CDC42BPA: variants seen among roughly 807,000 people sequenced by gnomAD.
CDC42BPA encodes CDC42 binding protein kinase alpha.
A neutral mutation model predicts 223.5 loss-of-function variants in CDC42BPA; 80 were observed. That is an observed-to-expected ratio of 0.36 (90% CI 0.30 to 0.43). CDC42BPA has a LOEUF of 0.43. Among genes scored for constraint, CDC42BPA ranks in the 20% least tolerant of loss-of-function variants. The probability of loss-of-function intolerance (pLI) is 1.00; values close to 1 mark genes in which losing one functional copy is unlikely to be tolerated. For synonymous variants in CDC42BPA, 694 were observed against 718.6 expected, an observed-to-expected ratio of 0.97 and a Z score of 0.55; for missense variants, 1,743 against 2,099.9, an observed-to-expected ratio of 0.83 and a Z score of 3.32.
intron 1 of CDC42BPA, among the ~76,000 whole-genome samples, chr1:227,297,967 T>TATATATATATATACAC (rs369403944): frequency 1.5e-5 from 2 of 132,082 alleles, no homozygotes; most frequent in African/African-American, 2.9e-5. Context: ...TATATACATA[T>TATATATATATATACAC]ACACACACAC....
intron 20 of CDC42BPA, among the ~76,000 whole-genome samples, chr1:227,070,676 G>A (rs188934888): frequency 6.6e-6 from 1 of 151,920 alleles, no homozygotes; most frequent in Non-Finnish European, 1.5e-5. Flanking sequence ...GAGACTTGGG[G>A]AAATAATAGT....
intron 18 of CDC42BPA, 119 bp downstream of exon 18, chr1:227,074,140 A>C (rs1484165619): frequency 7.5e-7 from 1 of 1,339,544 alleles, no homozygotes; most frequent in Non-Finnish European, 1.0e-6. Context: ...CTCATAAAAA[A>C]CTCTTTAGTA....
intron 21 of CDC42BPA, chr1:227,069,227 T>C (rs1397660953): frequency 6.6e-6 from 1 of 152,154 alleles, no homozygotes; most frequent in Non-Finnish European, 1.5e-5. Context: ...TAACAGTAAG[T>C]TGATTTTTTT....
chr1:227,118,594 G>A (rs967715996), intron 12 of CDC42BPA, among the ~76,000 whole-genome samples: 2 of 151,982 alleles, frequency 1.3e-5, no homozygotes, highest in African/African-American at 4.8e-5. Context: ...TATAAATCTA[G>A]CTATCTGATT....
chr1:227,150,626 C>T (rs1361182490), intron 6 of CDC42BPA, among the ~76,000 whole-genome samples: 2 of 151,824 alleles, frequency 1.3e-5, no homozygotes. Flanking sequence ...GAATGTGATA[C>T]TAGAAGCAAT....
At chr1:227,284,174 T>C (rs999579100) in intron 1 of CDC42BPA, among the ~76,000 whole-genome samples, 1 of 152,210 alleles carries the variant, frequency 6.6e-6, no homozygotes, top group Non-Finnish European at 1.5e-5. Flanking sequence ...GTCATGATGG[T>C]ATGGTTTGAT....
rs549386737 is a variant in CDC42BPA, at chr1:227,276,884, G to A, written c.179-22729C>T. ...ACAGATGCTTGAAGGCAGCATGCTC[G>A]TTAAGAGTCATCACCACTCCCTAAT... On this transcript the variant is annotated intron_variant, in intron 1 of 36. Transcript: ENST00000366766. Among the ~76,000 whole-genome samples, 12 of 152,070 alleles carry A rather than the reference G, an allele frequency of 7.9e-5. No individual in the cohort carries two copies. The East Asian group carries it at 9.8e-4, about 12-fold the overall frequency.
chr1:227,259,873 C>G (rs1351745426), intron 1 of CDC42BPA, among the ~76,000 whole-genome samples: 1 of 150,762 alleles, frequency 6.6e-6, no homozygotes, highest in Non-Finnish European at 1.5e-5. Context: ...TCTTAATGTA[C>G]TCTAGTTTTA....
intron 2 of CDC42BPA, among the ~76,000 whole-genome samples, chr1:227,223,624 G>A (rs186488806): frequency 1.3e-5 from 2 of 152,234 alleles, no homozygotes; most frequent in East Asian, 3.9e-4. Context: ...GAGAAATCTA[G>A]CACCTCCCTT....
chr1:227,020,935 G>A (rs1667250454), intron 32 of CDC42BPA, among the ~76,000 whole-genome samples: 1 of 152,066 alleles, frequency 6.6e-6, no homozygotes, highest in Admixed American at 6.6e-5. Flanking sequence ...CTATTAATTG[G>A]GCTATTTCAC....
At chr1:227,311,319 T>G (rs1156827450) in intron 1 of CDC42BPA, among the ~76,000 whole-genome samples, 1 of 152,162 alleles carries the variant, frequency 6.6e-6, no homozygotes, top group Non-Finnish European at 1.5e-5. Context: ...TGATGGTCTC[T>G]CATAACAATT....
chr1:227,089,639 T>G lies in CDC42BPA; in HGVS notation c.2355+2247A>C, dbSNP rs796600763. On this transcript the variant is annotated intron_variant, in intron 16 of 36. Coordinates refer to ENST00000366766, the MANE Select transcript of CDC42BPA (RefSeq NM_001394014.1). The stretch of plus-strand genomic sequence containing the variant: ...AATGGGTAATTCCGTTTTTTTTTTT[T>G]TTTTTTTTTTTTAAAAACAAACTAT... Among the ~76,000 whole-genome samples, 47 of 141,082 alleles carry G rather than the reference T, an allele frequency of 3.3e-4. 1 individual carries two copies. The highest frequency in any genetic ancestry group is 1.1e-3 in the African/African-American group (41 of 37,812). The allele number at this position is 141,082 out of a possible 152,430, so 92.6% of individuals were successfully genotyped here. A position where few individuals can be genotyped will look rare whatever the true frequency, so the allele number is the denominator to read the frequency against.
At chr1:227,239,534 A>T (rs1210389722) in intron 2 of CDC42BPA, among the ~76,000 whole-genome samples, 1 of 152,140 alleles carries the variant, frequency 6.6e-6, no homozygotes, top group Admixed American at 6.5e-5. Flanking sequence ...GGTATACGGG[A>T]ACTCTGTATT....
intron 10 of CDC42BPA, among the ~76,000 whole-genome samples, chr1:227,132,929 G>T (rs569654248): frequency 1.3e-5 from 2 of 150,548 alleles, no homozygotes; most frequent in South Asian, 4.2e-4. Context: ...GAGCCCCTCC[G>T]CCCGGCAGCC....
chr1:227,012,641 C>T (rs1311094284), intron 34 of CDC42BPA, among the ~76,000 whole-genome samples: 5 of 152,138 alleles, frequency 3.3e-5, no homozygotes, highest in Non-Finnish European at 7.4e-5. Context: ...GGGACACATG[C>T]TCTCTGAATA....
At chr1:227,307,351 T>C (rs1048204652) in intron 1 of CDC42BPA, among the ~76,000 whole-genome samples, 1 of 152,156 alleles carries the variant, frequency 6.6e-6, no homozygotes, top group Non-Finnish European at 1.5e-5. Flanking sequence ...ATTGTGACAA[T>C]TTATGTGTTA....
rs1668203409 is a variant in CDC42BPA at position 227,026,143 on chromosome 1, G to A, written c.4442C>T (p.Ala1481Val). The change falls in exon 31 of 37, where the codon GCA becomes GTA. Residue 1481 changes from alanine (A) to valine (V), a missense_variant. By Grantham distance (64) the Ala-to-Val change is moderately conservative. Coordinates refer to ENST00000366766, the MANE Select transcript of CDC42BPA (RefSeq NM_001394014.1). ...TTCACTGTACACCGAGAGATATGGTGCATTGTAACCTGGGAGAAGGGAAGG... is the reference window on the plus strand; with the variant it reads ...TTCACTGTACACCGAGAGATATGGTACATTGTAACCTGGGAGAAGGGAAGG... ...PANPSSCCYN[A>V]PYLSVYSENA... 1.3e-6 allele frequency: 2 copies of A among 1,592,278 alleles called. No individual in the cohort carries two copies. Among genetic ancestry groups the A allele is most frequent in the East Asian group, 4.5e-5 (2 of 44,446 alleles).
intron 12 of CDC42BPA, among the ~76,000 whole-genome samples, chr1:227,113,825 C>T (rs539079933): frequency 6.8e-5 from 10 of 146,900 alleles, no homozygotes; most frequent in Admixed American, 3.4e-4. Flanking sequence ...TCAGCCTAGG[C>T]GACATTGTGA....
intron 1 of CDC42BPA, among the ~76,000 whole-genome samples, chr1:227,280,985 C>G (rs1038382897): frequency 2.6e-5 from 4 of 152,168 alleles, no homozygotes; most frequent in African/African-American, 9.7e-5. Flanking sequence ...AGCCAAGACT[C>G]CATCAGCAGT....
Sources: gnomAD v4.1 joint callset for allele counts (sites outside exome capture counted in the v4.1 genomes callset) on GRCh38, gnomAD v4.1.1 for gene constraint, MANE v1.5 for transcripts, NCBI Gene and HGNC (gene_info 2026-07-23, HGNC 2026-07-21) for gene names.